Variants in MIPOL1 observed in about 807,000 individuals in gnomAD.
MIPOL1 encodes mirror-image polydactyly 1, also known as mirror-image polydactyly gene 1 protein.
MIPOL1 carries 57 observed loss-of-function variants against 60.9 expected under a neutral mutation model. That is an observed-to-expected ratio of 0.94 (90% CI 0.76 to 1.17). The LOEUF (loss-of-function observed/expected upper bound fraction) is 1.17, where lower values mean the gene tolerates loss of function less well. MIPOL1 is among the 50% of genes most tolerant of loss of function. MIPOL1 has a pLI of 0.00. For missense variants in MIPOL1, 551 were observed against 511.6 expected (o/e 1.08, Z -0.74); for synonymous variants, 179 against 168.8 (o/e 1.06, Z -0.47).
chr14:37,407,833 C>CTTA (rs2093614048), intron 10 of MIPOL1, among the ~76,000 whole-genome samples: 1 of 105,152 alleles, frequency 9.5e-6, no homozygotes, highest in African/African-American at 3.6e-5. Context: ...TCTTTTCTTT[C>CTTA]TTCTTCTTCT....
chr14:37,271,465 C>T (rs1408566525), intron 6 of MIPOL1, among the ~76,000 whole-genome samples: 5 of 151,694 alleles, frequency 3.3e-5, no homozygotes, highest in African/African-American at 9.7e-5. Flanking sequence ...ACTAGGAGAG[C>T]TTGCTTTAAA....
At chr14:37,343,563 T>G (rs2090731466) in intron 9 of MIPOL1, among the ~76,000 whole-genome samples, 1 of 152,136 alleles carries the variant, frequency 6.6e-6, no homozygotes, top group Non-Finnish European at 1.5e-5. Context: ...AGATGTTTGA[T>G]TATAATATAA....
intron 7 of MIPOL1, among the ~76,000 whole-genome samples, chr14:37,296,348 A>G (rs549047134): frequency 6.4e-4 from 98 of 152,316 alleles, no homozygotes; most frequent in African/African-American, 2.3e-3. Flanking sequence ...CACAAGAGAA[A>G]GCAGGAAAGA....
chr14:37,426,455 G>C (rs1433953281), intron 11 of MIPOL1, among the ~76,000 whole-genome samples: 1 of 150,694 alleles, frequency 6.6e-6, no homozygotes, highest in African/African-American at 2.4e-5. Context: ...TGTAATCCCA[G>C]CTACTCAGGA....
chr14:37,535,806 TAGG>T (rs1395398265), intron 12 of MIPOL1, among the ~76,000 whole-genome samples: 1 of 152,260 alleles, frequency 6.6e-6, no homozygotes, highest in Non-Finnish European at 1.5e-5. Flanking sequence ...TTACATATCT[TAGG>T]AGCTAAATTA....
intron 11 of MIPOL1, among the ~76,000 whole-genome samples, chr14:37,456,868 G>A (rs1249507492): frequency 6.6e-6 from 1 of 152,000 alleles, no homozygotes; most frequent in Non-Finnish European, 1.5e-5. Context: ...TTGGAATAAA[G>A]TATGAACATA....
intron 9 of MIPOL1, among the ~76,000 whole-genome samples, chr14:37,358,969 C>A (rs2092039596): frequency 6.6e-6 from 1 of 152,030 alleles, no homozygotes; most frequent in Non-Finnish European, 1.5e-5. Context: ...GGTTTTAGGT[C>A]TAATATTTAA....
intron 10 of MIPOL1, among the ~76,000 whole-genome samples, chr14:37,420,546 A>T (rs529923828): frequency 6.6e-6 from 1 of 152,282 alleles, no homozygotes; most frequent in African/African-American, 2.4e-5. Context: ...TCAATCTAGG[A>T]AATACTATAG....
intron 12 of MIPOL1, among the ~76,000 whole-genome samples, chr14:37,538,897 C>G (rs2095518118): frequency 6.6e-6 from 1 of 152,150 alleles, no homozygotes; most frequent in South Asian, 2.1e-4. Context: ...TTGAGTGATT[C>G]CAGGCAAGGC....
chr14:37,299,873 G>C (rs188236875), intron 7 of MIPOL1, among the ~76,000 whole-genome samples: 3 of 151,992 alleles, frequency 2.0e-5, no homozygotes, highest in African/African-American at 7.3e-5. Context: ...TCCCTAGCCT[G>C]TCCTGGGCTG....
At chr14:37,543,591 A>G (rs2095537725) in intron 12 of MIPOL1, among the ~76,000 whole-genome samples, 1 of 152,102 alleles carries the variant, frequency 6.6e-6, no homozygotes, top group Non-Finnish European at 1.5e-5. Flanking sequence ...ATATTTTTTA[A>G]TTGGGGTAAA....
At chr14:37,262,320 A>T (rs973905837) in intron 3 of MIPOL1, among the ~76,000 whole-genome samples, 1 of 152,056 alleles carries the variant, frequency 6.6e-6, no homozygotes, top group South Asian at 2.1e-4. Context: ...TTAAAAAAAA[A>T]GTTTTTGCCC....
intron 10 of MIPOL1, among the ~76,000 whole-genome samples, chr14:37,387,685 C>A (rs569438592): frequency 6.6e-6 from 1 of 151,866 alleles, no homozygotes; most frequent in Non-Finnish European, 1.5e-5. Flanking sequence ...AAATGTGATA[C>A]ACGTATCTGT....
chr14:37,528,111 C>T (rs1347298256), intron 12 of MIPOL1, among the ~76,000 whole-genome samples: 1 of 151,918 alleles, frequency 6.6e-6, no homozygotes, highest in East Asian at 1.9e-4. Flanking sequence ...ATCCATCATA[C>T]ATATTTTTAC....
rs1296749396 is a variant in MIPOL1 at position 37,550,931 on chromosome 14, A to G, written c.*3960A>G. ...TAGAAAAAGAAAACTTTTCTTTTTT[A>G]TTATATATTTTAGTGTAAGTTAAGT... On this transcript the variant is annotated 3_prime_UTR_variant, in exon 13 of 13. Coordinates refer to ENST00000684589, the MANE Select transcript of MIPOL1 (RefSeq NM_001388067.1). 1 of 152,114 alleles carries G rather than the reference A, an allele frequency of 6.6e-6. No homozygotes were observed. Among genetic ancestry groups the G allele is most frequent in the Non-Finnish European group, 1.5e-5 (1 of 67,978 alleles). The allele number at this position is 152,114 out of a possible 1,614,324, so 9.4% of individuals were successfully genotyped here. A position where few individuals can be genotyped will look rare whatever the true frequency, so the allele number is the denominator to read the frequency against.
intron 1 of MIPOL1, among the ~76,000 whole-genome samples, chr14:37,241,779 T>C (rs529243080): frequency 3.5e-4 from 53 of 152,296 alleles, no homozygotes; most frequent in African/African-American, 1.2e-3. Context: ...GAATTTAGAC[T>C]CCTGAATTCT....
chr14:37,348,845 T>C (rs1397158906), intron 9 of MIPOL1, among the ~76,000 whole-genome samples: 1 of 148,510 alleles, frequency 6.7e-6, no homozygotes, highest in Non-Finnish European at 1.5e-5. Context: ...TTTTTTTTTT[T>C]TGGACAGAGT....
At chr14:37,375,487 C>A (rs1016854786) in intron 10 of MIPOL1, among the ~76,000 whole-genome samples, 1 of 152,106 alleles carries the variant, frequency 6.6e-6, no homozygotes, top group African/African-American at 2.4e-5. Flanking sequence ...GCCCAGCCTC[C>A]TTTTTAATTT....
intron 11 of MIPOL1, among the ~76,000 whole-genome samples, chr14:37,466,040 A>G (rs1341170886): frequency 1.3e-5 from 2 of 152,200 alleles, no homozygotes; most frequent in Non-Finnish European, 2.9e-5. Context: ...CAATAGGCAA[A>G]GCCCAACCTG....
Sources: gnomAD v4.1 joint callset for allele counts (sites outside exome capture counted in the v4.1 genomes callset) on GRCh38, gnomAD v4.1.1 for gene constraint, MANE v1.5 for transcripts, NCBI Gene and HGNC (gene_info 2026-07-23, HGNC 2026-07-21) for gene names.